Variants in GALNT10 observed in about 807,000 individuals in gnomAD.
GALNT10 encodes the protein GalNAc transferase 10.
A neutral mutation model predicts 75.0 loss-of-function variants in GALNT10; 41 were observed. The ratio of observed to expected loss-of-function variants is 0.55; its 90% CI spans 0.43 to 0.71. The LOEUF (loss-of-function observed/expected upper bound fraction) is 0.71, where lower values mean the gene tolerates loss of function less well. Among genes scored for constraint, GALNT10 ranks in the 30% least tolerant of loss-of-function variants. The pLI is 0.00. For synonymous variants in GALNT10, 302 were observed against 313.0 expected, an observed-to-expected ratio of 0.96 and a Z score of 0.37; for missense variants, 727 against 818.5, an observed-to-expected ratio of 0.89 and a Z score of 1.36.
chr5:154,284,595 G>T (rs780043227), intron 1 of GALNT10, among the ~76,000 whole-genome samples: 1 of 152,276 alleles, frequency 6.6e-6, no homozygotes, highest in South Asian at 2.1e-4. Flanking sequence ...TGCCCAGCCC[G>T]TCAAGCCTCT....
intron 4 of GALNT10, among the ~76,000 whole-genome samples, chr5:154,347,428 A>G (rs1755146323): frequency 6.6e-6 from 1 of 151,740 alleles, no homozygotes; most frequent in African/African-American, 2.4e-5. Flanking sequence ...CAATGATGCA[A>G]CCATAGCCCA....
intron 3 of GALNT10, among the ~76,000 whole-genome samples, chr5:154,301,825 A>C (rs1754364524): frequency 6.6e-6 from 1 of 152,200 alleles, no homozygotes; most frequent in Admixed American, 6.5e-5. Context: ...GACCTCTGGC[A>C]TCAATAAGCT....
chr5:154,204,300 C>G (rs943308884), intron 1 of GALNT10, among the ~76,000 whole-genome samples: 1 of 152,172 alleles, frequency 6.6e-6, no homozygotes, highest in African/African-American at 2.4e-5. Context: ...ATTCCAAATC[C>G]ACCTATTTTC....
At chr5:154,290,258 A>ATTTTTTTTTTTTTT (rs71577131) in intron 1 of GALNT10, among the ~76,000 whole-genome samples, 174 of 98,894 alleles carry the variant, frequency 1.8e-3, no homozygotes, top group Non-Finnish European at 2.3e-3. Context: ...CACTCAGCTA[A>ATTTTTTTTTTTTTT]TTTTTTTTTT....
chr5:154,268,335 G>A (rs1490064903), intron 1 of GALNT10, among the ~76,000 whole-genome samples: 3 of 152,114 alleles, frequency 2.0e-5, no homozygotes, highest in East Asian at 3.9e-4. Flanking sequence ...AGACTCCTAC[G>A]AGTCCACCAT....
At chr5:154,396,889 G>C (rs1756027627) in intron 7 of GALNT10, among the ~76,000 whole-genome samples, 1 of 152,128 alleles carries the variant, frequency 6.6e-6, no homozygotes, top group Non-Finnish European at 1.5e-5. Flanking sequence ...CATTTGGGGA[G>C]GCCAAGGAGG....
At chr5:154,194,430 C>T (rs1418182702) in intron 1 of GALNT10, among the ~76,000 whole-genome samples, 1 of 152,218 alleles carries the variant, frequency 6.6e-6, no homozygotes, top group East Asian at 1.9e-4. Context: ...TTGCTAATCA[C>T]TCCTCTGTCT....
chr5:154,207,016 G>A (rs990909080), intron 1 of GALNT10, among the ~76,000 whole-genome samples: 6 of 152,174 alleles, frequency 3.9e-5, no homozygotes, highest in Non-Finnish European at 4.4e-5. Context: ...GATGTGTAAC[G>A]TGCAGCCTTT....
chr5:154,369,868 C>T (rs939244919), intron 4 of GALNT10, among the ~76,000 whole-genome samples: 2 of 152,216 alleles, frequency 1.3e-5, no homozygotes, highest in African/African-American at 4.8e-5. Flanking sequence ...GCTGCTCCTC[C>T]TCTTCTTCCC....
At chr5:154,375,243 T>C (rs1230249269) in intron 4 of GALNT10, among the ~76,000 whole-genome samples, 1 of 152,174 alleles carries the variant, frequency 6.6e-6, no homozygotes, top group Non-Finnish European at 1.5e-5. Context: ...ATTGAATAGA[T>C]GTTGTGAAAG....
intron 1 of GALNT10, among the ~76,000 whole-genome samples, chr5:154,281,072 A>G (rs1237527550): frequency 1.3e-5 from 2 of 152,198 alleles, no homozygotes; most frequent in Non-Finnish European, 2.9e-5. Flanking sequence ...CTTTTGAAAA[A>G]GAATTATTTT....
At position 154,418,976 on chromosome 5, in the gene GALNT10, AAAAACTGTGCCTTTT is replaced by A. The variant is rs1299397853; in HGVS notation, c.*2009_*2023del. On this transcript the variant is annotated 3_prime_UTR_variant, in exon 12 of 12. Transcript: ENST00000297107. ...AAGAGCAATGCAGCGTCGTTAAAAT[AAAAACTGTGCCTTTT>A]AAAAAGAAAAATGCAAATATAGAGC... 6.6e-6 allele frequency: 1 copy of A among 152,566 alleles called. No homozygotes were observed. The highest frequency in any genetic ancestry group is 1.5e-5 in the Non-Finnish European group (1 of 68,030). The allele number at this position is 152,566 out of a possible 1,614,324, so 9.5% of individuals were successfully genotyped here. A position where few individuals can be genotyped will look rare whatever the true frequency, so the allele number is the denominator to read the frequency against.
At position 154,334,617 on chromosome 5, in the gene GALNT10, T is replaced by C. The variant is rs1288442800; in HGVS notation, c.568+4879T>C. On this transcript the variant is annotated intron_variant, in intron 4 of 11. Transcript: ENST00000297107. The stretch of plus-strand genomic sequence containing the variant: ...GTTATGTGGTAATGGAAAGAATTAC[T>C]GTGTTTGGATTAACTAGAGGCTGCC... Among the ~76,000 whole-genome samples the C allele has an allele frequency of 3.9e-5, 6 of 152,242 alleles. No homozygotes were observed. In the East Asian group the frequency reaches 9.6e-4, roughly 24 times the overall value.
rs540140472 is a variant in GALNT10 at position 154,381,414 on chromosome 5, A to G, written c.938+783A>G. On this transcript the variant is annotated intron_variant, in intron 6 of 11. Coordinates refer to ENST00000297107, the MANE Select transcript of GALNT10 (RefSeq NM_198321.4). ...GGGGCTTCTCCCCAACAGTAGGCTC[A>G]CTGTCCCTGCAGCTGTCCTGTGAGC... is the stretch of plus-strand genomic sequence containing the variant. 7.2e-5 allele frequency among the ~76,000 whole-genome samples: 11 copies of G among 152,346 alleles called. No homozygotes were observed. The South Asian group carries it at 2.3e-3, about 32-fold the overall frequency.
At chr5:154,226,142 GAAA>G (rs112004791) in intron 1 of GALNT10, among the ~76,000 whole-genome samples, 3 of 146,900 alleles carry the variant, frequency 2.0e-5, no homozygotes, top group African/African-American at 7.5e-5. Flanking sequence ...ATAAAAAAAG[GAAA>G]AAAAAAAGAA....
intron 6 of GALNT10, 98 bp downstream of exon 6, chr5:154,380,729 G>A (rs753300425): frequency 6.4e-6 from 5 of 780,212 alleles, no homozygotes; most frequent in Admixed American, 2.7e-5. Flanking sequence ...AAAGCCCAAT[G>A]CAGAGGGTCC....
intron 1 of GALNT10, among the ~76,000 whole-genome samples, chr5:154,210,944 G>A (rs1043600587): frequency 3.3e-5 from 5 of 152,182 alleles, no homozygotes; most frequent in African/African-American, 9.6e-5. Context: ...GAAAAAAATT[G>A]TAGATACAGG....
intron 1 of GALNT10, among the ~76,000 whole-genome samples, chr5:154,264,160 A>C (rs1753743584): frequency 6.6e-6 from 1 of 152,030 alleles, no homozygotes; most frequent in South Asian, 2.1e-4. Context: ...TAAATATACA[A>C]AAATTAGCCA....
At chr5:154,355,830 A>G (rs145814396) in intron 4 of GALNT10, among the ~76,000 whole-genome samples, 2 of 152,322 alleles carry the variant, frequency 1.3e-5, no homozygotes, top group Non-Finnish European at 2.9e-5. Context: ...AGATGAGGAC[A>G]TTGACGCTCA....
Sources: allele counts gnomAD v4.1 joint callset (sites outside exome capture counted in the v4.1 genomes callset), GRCh38; gene constraint gnomAD v4.1.1; transcripts MANE v1.5; gene names NCBI Gene and HGNC (gene_info 2026-07-23, HGNC 2026-07-21).